CLOCK: variants seen among roughly 807,000 people sequenced by gnomAD.
The protein encoded by CLOCK is clock circadian regulator.
CLOCK carries 43 observed loss-of-function variants against 118.4 expected under a neutral mutation model. That is an observed-to-expected ratio of 0.36 (90% CI 0.28 to 0.47). The LOEUF is 0.47. Ranked by LOEUF, CLOCK falls within the 20% of genes least tolerant of loss-of-function variation. The pLI is 1.00. For synonymous variants in CLOCK, 326 were observed against 339.2 expected (o/e 0.96, Z 0.43); for missense variants, 846 against 999.9 (o/e 0.85, Z 2.08).
Position 55,472,703 on chromosome 4 carries a change from G to A in CLOCK, c.349-1897C>T, listed in dbSNP as rs151050701. On this transcript the variant is annotated intron_variant, in intron 7 of 22. Transcript: ENST00000513440. The stretch of plus-strand genomic sequence containing the variant: ...CCTTTCCTAACTCTATGTAATTGAC[G>A]AATATATAGAAAATGGTCCCCTCCC... Among the ~76,000 whole-genome samples, 417 of 151,960 alleles carry A rather than the reference G, an allele frequency of 2.7e-3. 2 individuals carry two copies. Among genetic ancestry groups the A allele is most frequent in the African/African-American group, 9.9e-3 (409 of 41,430 alleles).
intron 2 of CLOCK, among the ~76,000 whole-genome samples, chr4:55,494,212 C>A (rs1311940418): frequency 6.6e-6 from 1 of 152,018 alleles, no homozygotes; most frequent in African/African-American, 2.4e-5. Flanking sequence ...GTACCATAAA[C>A]CTGAAGCTAT....
At chr4:55,516,973 CTCCCTCCTA>C (rs572349157) in intron 1 of CLOCK, among the ~76,000 whole-genome samples, 63 of 152,154 alleles carry the variant, frequency 4.1e-4, no homozygotes, top group Non-Finnish European at 7.2e-4. Context: ...ATCCTAATAC[CTCCCTCCTA>C]TCCTTTGTAT....
At chr4:55,439,629 C>T (rs545899383) in intron 21 of CLOCK, among the ~76,000 whole-genome samples, 31 of 152,168 alleles carry the variant, frequency 2.0e-4, no homozygotes, top group South Asian at 8.3e-4. Flanking sequence ...CATTGACAGA[C>T]GGAATGAATA....
intron 5 of CLOCK, 84 bp downstream of exon 5, chr4:55,479,556 G>A: frequency 8.7e-7 from 1 of 1,146,962 alleles, no homozygotes; most frequent in Non-Finnish European, 1.3e-6. Flanking sequence ...CATAGCTTTT[G>A]GAAATCATTT....
In CLOCK at chr4:55,539,486, T is replaced by A. The variant is rs114323705; in HGVS notation, c.-290+7296A>T. Among the ~76,000 whole-genome samples the A allele has an allele frequency of 3.6e-3, 512 of 142,252 alleles. 2 individuals are homozygous for A. The highest frequency in any genetic ancestry group is 0.012 in the African/African-American group (467 of 38,216). The allele number at this position is 142,252 out of a possible 152,430, so 93.3% of individuals were successfully genotyped here. On this transcript the variant is annotated intron_variant, in intron 1 of 22. Coordinates refer to ENST00000513440, the MANE Select transcript of CLOCK (RefSeq NM_004898.4). ...CTACTGAGGAGGCTGAGGTGAAGGATTGCCTGAGCCCAAAAGGTTGAGGCT... is the reference window on the plus strand; with the variant it reads ...CTACTGAGGAGGCTGAGGTGAAGGAATGCCTGAGCCCAAAAGGTTGAGGCT...
At chr4:55,544,200 C>A (rs1425184713) in intron 1 of CLOCK, among the ~76,000 whole-genome samples, 1 of 143,580 alleles carries the variant, frequency 7.0e-6, no homozygotes, top group African/African-American at 2.7e-5. Context: ...ACACACACAC[C>A]CCAATTTACC....
chr4:55,448,674 G>T, intron 18 of CLOCK, 105 bp downstream of exon 18: 3 of 658,490 alleles, frequency 4.6e-6, no homozygotes, highest in Non-Finnish European at 7.9e-6. Flanking sequence ...AGTAGCTGTG[G>T]CTACAGGTGC....
chr4:55,516,237 T>G (rs1446195273), intron 1 of CLOCK, among the ~76,000 whole-genome samples: 1 of 152,208 alleles, frequency 6.6e-6, no homozygotes, highest in Non-Finnish European at 1.5e-5. Flanking sequence ...CACTGTTGAA[T>G]TCATCTATGT....
At position 55,429,009 on chromosome 4, in the gene CLOCK, T is replaced by A. The variant is rs1452347980; in HGVS notation, c.*6406A>T. 6.8e-6 allele frequency: 1 copy of A among 147,726 alleles called. No individual in the cohort carries two copies. The highest frequency in any genetic ancestry group is 2.5e-5 in the African/African-American group (1 of 40,188). 9.2% of individuals were successfully genotyped at this position (147,726 alleles called of 1,614,324 possible). On this transcript the variant is annotated 3_prime_UTR_variant, in exon 23 of 23. Transcript: ENST00000513440. The stretch of plus-strand genomic sequence containing the variant: ...TTTTTTTTTTTAAAAAGACATTTCC[T>A]GGCCAATTTTTTTGCTTGAAGATGA...
At chr4:55,486,910 G>A (rs1727334075) in intron 3 of CLOCK, among the ~76,000 whole-genome samples, 2 of 152,048 alleles carry the variant, frequency 1.3e-5, no homozygotes, top group Admixed American at 6.6e-5. Context: ...GAGTTTTCTC[G>A]AGTTGTTCTC....
At chr4:55,537,904 A>T (rs1731008773) in intron 1 of CLOCK, among the ~76,000 whole-genome samples, 1 of 152,204 alleles carries the variant, frequency 6.6e-6, no homozygotes. Context: ...GAAACCAGAA[A>T]AAGAAAACAA....
intron 1 of CLOCK, among the ~76,000 whole-genome samples, chr4:55,525,107 A>C (rs1489578860): frequency 2.6e-5 from 4 of 152,230 alleles, no homozygotes; most frequent in Non-Finnish European, 5.9e-5. Flanking sequence ...TCTTAGAATG[A>C]TGAAATCACA....
chr4:55,510,645 A>ATT (rs1729087408), intron 1 of CLOCK, among the ~76,000 whole-genome samples: 1 of 151,240 alleles, frequency 6.6e-6, no homozygotes, highest in African/African-American at 2.4e-5. Flanking sequence ...AAAAAAAAAA[A>ATT]AAAAAAAAGG....
At chr4:55,519,638 C>T (rs1376195386) in intron 1 of CLOCK, among the ~76,000 whole-genome samples, 4 of 151,908 alleles carry the variant, frequency 2.6e-5, no homozygotes, top group East Asian at 1.9e-4. Flanking sequence ...ATTAGCCGGG[C>T]GTGGTGGTGC....
chr4:55,514,971 A>C (rs907225893), intron 1 of CLOCK, among the ~76,000 whole-genome samples: 16 of 152,228 alleles, frequency 1.1e-4, no homozygotes, highest in Non-Finnish European at 2.2e-4. Flanking sequence ...TTCTTCCTTA[A>C]ATGTTTGGTA....
At position 55,438,487 on chromosome 4, in the gene CLOCK, G is replaced by C; in HGVS notation, c.2156C>G (p.Ala719Gly). The C allele has an allele frequency of 6.2e-7, 1 of 1,613,798 alleles. No individual in the cohort carries two copies. The highest frequency in any genetic ancestry group is 8.5e-7 in the Non-Finnish European group (1 of 1,180,002). Residue 719 changes from alanine (A) to glycine (G), a missense_variant, in exon 22 of 23, where the codon GCT becomes GGT. By Grantham distance (60) the Ala-to-Gly change is moderately conservative. Coordinates refer to ENST00000513440, the MANE Select transcript of CLOCK (RefSeq NM_004898.4). ...ACTAGGTACCATGACTGCCCCACAA[G>C]CTACAGGAGCAGTCACTAATTTGGT... ...LVTKLVTAPVACGAVMVPSTM... is the reference protein window; with the variant it reads ...LVTKLVTAPVGCGAVMVPSTM...
At chr4:55,510,748 A>G (rs997356342) in intron 1 of CLOCK, among the ~76,000 whole-genome samples, 1 of 152,112 alleles carries the variant, frequency 6.6e-6, no homozygotes, top group Admixed American at 6.6e-5. Flanking sequence ...TTTTTTGTCC[A>G]AAGGGAACAG....
At chr4:55,442,228 G>GA (rs1442255106) in intron 21 of CLOCK, 19 of 568,026 alleles carry the variant, frequency 3.3e-5, no homozygotes, top group Non-Finnish European at 5.9e-5. Flanking sequence ...TTTTGGACAA[G>GA]AAAAAAAATT....
intron 18 of CLOCK, among the ~76,000 whole-genome samples, chr4:55,445,906 A>C (rs945101085): frequency 6.6e-6 from 1 of 151,756 alleles, no homozygotes; most frequent in Non-Finnish European, 1.5e-5. Context: ...TTATTCCTAT[A>C]TTCTTTAGGT....
Sources: gnomAD v4.1 joint callset for allele counts (sites outside exome capture counted in the v4.1 genomes callset) on GRCh38, gnomAD v4.1.1 for gene constraint, MANE v1.5 for transcripts, NCBI Gene and HGNC (gene_info 2026-07-23, HGNC 2026-07-21) for gene names.